Variants in AGBL1 observed in about 807,000 individuals in gnomAD.
AGBL1 encodes the protein AGBL carboxypeptidase 1, also known as cytosolic carboxypeptidase 4.
In AGBL1, 130 loss-of-function variants were observed where a neutral mutation model predicts 118.9. That is an observed-to-expected ratio of 1.09 (90% CI 0.95 to 1.26). The LOEUF (loss-of-function observed/expected upper bound fraction) is 1.26, where lower values mean the gene tolerates loss of function less well. AGBL1 is among the 50% of genes most tolerant of loss of function. The probability of loss-of-function intolerance (pLI) is 0.00; values close to 1 mark genes in which losing one functional copy is unlikely to be tolerated. For synonymous variants in AGBL1, 555 were observed against 478.9 expected (o/e 1.16, Z -2.08); for missense variants, 1,584 against 1,298.1 (o/e 1.22, Z -3.38).
intron 23 of AGBL1, among the ~76,000 whole-genome samples, chr15:86,940,207 C>T (rs2080733199): frequency 6.6e-6 from 1 of 151,574 alleles, no homozygotes; most frequent in Non-Finnish European, 1.5e-5. Flanking sequence ...CGGTTGAGTG[C>T]ACTGTTTCTA....
intron 18 of AGBL1, among the ~76,000 whole-genome samples, chr15:86,417,995 C>T (rs2081721927): frequency 6.6e-6 from 1 of 152,238 alleles, no homozygotes; most frequent in Non-Finnish European, 1.5e-5. Flanking sequence ...TGCTGTATCA[C>T]TCTATAGTTG....
At chr15:86,863,699 A>T (rs1232633343) in intron 22 of AGBL1, among the ~76,000 whole-genome samples, 1 of 152,182 alleles carries the variant, frequency 6.6e-6, no homozygotes, top group East Asian at 1.9e-4. Flanking sequence ...CATATTGTAA[A>T]TGTTGGAACA....
intron 22 of AGBL1, among the ~76,000 whole-genome samples, chr15:86,740,457 G>A (rs924708727): frequency 6.6e-6 from 1 of 152,160 alleles, no homozygotes; most frequent in Non-Finnish European, 1.5e-5. Flanking sequence ...GAAGATCTGA[G>A]GGAAGGAGTA....
At chr15:86,286,411 C>A (rs200966617) in intron 16 of AGBL1, among the ~76,000 whole-genome samples, 2,236 of 145,474 alleles carry the variant, frequency 0.015, 64 homozygotes, top group African/African-American at 0.053. Flanking sequence ...GACGTTATTC[C>A]TCTTGTCTAA....
intron 22 of AGBL1, among the ~76,000 whole-genome samples, chr15:86,829,559 A>G (rs111439624): frequency 1.3e-5 from 2 of 152,214 alleles, no homozygotes. Context: ...GCCATTTGAA[A>G]AAAAACATCA....
intron 22 of AGBL1, among the ~76,000 whole-genome samples, chr15:86,854,562 C>T (rs1436250820): frequency 1.3e-5 from 2 of 152,174 alleles, no homozygotes; most frequent in Non-Finnish European, 2.9e-5. Context: ...GTGTTACATG[C>T]ACACAACCTG....
At chr15:86,796,350 G>T (rs1363846716) in intron 22 of AGBL1, among the ~76,000 whole-genome samples, 3 of 152,160 alleles carry the variant, frequency 2.0e-5, no homozygotes, top group Non-Finnish European at 4.4e-5. Flanking sequence ...TTGTCCCTAA[G>T]CCTCAAAGGA....
intron 21 of AGBL1, among the ~76,000 whole-genome samples, chr15:86,627,413 C>T (rs1001715201): frequency 1.3e-5 from 2 of 152,084 alleles, no homozygotes; most frequent in Non-Finnish European, 2.9e-5. Flanking sequence ...AATCTGGTGG[C>T]AGAGGTGAGA....
chr15:86,544,860 G>A (rs570948632), intron 19 of AGBL1, among the ~76,000 whole-genome samples: 2 of 152,104 alleles, frequency 1.3e-5, no homozygotes, highest in Admixed American at 1.3e-4. Flanking sequence ...TACTGCAAAG[G>A]GTCATGCATA....
At chr15:86,156,413 CA>C (rs2077191518) in intron 4 of AGBL1, among the ~76,000 whole-genome samples, 1 of 152,124 alleles carries the variant, frequency 6.6e-6, no homozygotes, top group Non-Finnish European at 1.5e-5. Context: ...CATAAGTCCA[CA>C]TTAGACTAGG....
intron 1 of AGBL1, among the ~76,000 whole-genome samples, chr15:86,089,628 T>C (rs1895889036): frequency 1.3e-5 from 2 of 151,384 alleles, no homozygotes; most frequent in South Asian, 2.1e-4. Context: ...AATTCTCCCC[T>C]CACCCTTCCC....
chr15:86,822,494 A>G (rs2078955116), intron 22 of AGBL1, among the ~76,000 whole-genome samples: 2 of 151,984 alleles, frequency 1.3e-5, no homozygotes, highest in African/African-American at 4.8e-5. Flanking sequence ...CATAATTGGG[A>G]TGAGGTGAAG....
At chr15:86,842,398 T>G (rs78121779) in intron 22 of AGBL1, among the ~76,000 whole-genome samples, 3,401 of 152,296 alleles carry the variant, frequency 0.022, 121 homozygotes, top group East Asian at 0.18. Flanking sequence ...TCTGTGATAT[T>G]GCAGTCATCT....
intron 5 of AGBL1, among the ~76,000 whole-genome samples, chr15:86,215,237 G>A (rs1368687821): frequency 7.0e-6 from 1 of 142,576 alleles, no homozygotes; most frequent in African/African-American, 3.0e-5. Context: ...GTGTGTGTGT[G>A]TGTGTGTGTG....
At chr15:86,695,715 T>C (rs1348807001) in intron 22 of AGBL1, among the ~76,000 whole-genome samples, 1 of 152,140 alleles carries the variant, frequency 6.6e-6, no homozygotes, top group South Asian at 2.1e-4. Flanking sequence ...CTTAGACTTT[T>C]TGATGTAGGC....
intron 13 of AGBL1, among the ~76,000 whole-genome samples, chr15:86,268,138 A>T (rs558507668): frequency 6.6e-6 from 1 of 152,226 alleles, no homozygotes; most frequent in Non-Finnish European, 1.5e-5. Context: ...CTCAGAATTC[A>T]GTATAGCTGA....
intron 22 of AGBL1, among the ~76,000 whole-genome samples, chr15:86,757,403 C>T (rs1293437203): frequency 2.6e-5 from 4 of 152,066 alleles, no homozygotes; most frequent in African/African-American, 7.2e-5. Context: ...ACTTTAATGT[C>T]CTCCTGTGAA....
At chr15:86,080,933 G>C (rs1895232292) in intron 1 of AGBL1, among the ~76,000 whole-genome samples, 2 of 151,022 alleles carry the variant, frequency 1.3e-5, no homozygotes, top group East Asian at 3.9e-4. Context: ...ATGGGCTTGT[G>C]GGGGCGGGGG....
In AGBL1 at chr15:86,719,938, G is replaced by C. The variant is rs375365189; in HGVS notation, c.3158+45502G>C. Among the ~76,000 whole-genome samples the C allele has an allele frequency of 6.6e-5, 10 of 152,286 alleles. No individual in the cohort carries two copies. In the East Asian group the frequency reaches 1.5e-3, roughly 24 times the overall value. On this transcript the variant is annotated intron_variant, in intron 22 of 22. Coordinates refer to ENST00000614907, the MANE Select transcript of AGBL1 (RefSeq NM_001386094.1). Reference sequence around the variant, plus strand: ...CTTCTTTCCAGCCTCTCTGGCCACGGATTCTCAAGCTCCTTAGCCGATTTT... The same window carrying C: ...CTTCTTTCCAGCCTCTCTGGCCACGCATTCTCAAGCTCCTTAGCCGATTTT...
Sources: allele counts gnomAD v4.1 joint callset (sites outside exome capture counted in the v4.1 genomes callset), GRCh38; gene constraint gnomAD v4.1.1; transcripts MANE v1.5; gene names NCBI Gene and HGNC (gene_info 2026-07-23, HGNC 2026-07-21).